Variants in SYTL4 observed in about 807,000 individuals in gnomAD.
SYTL4 encodes synaptotagmin-like protein 4.
Under a neutral mutation model 52.7 loss-of-function variants are expected in SYTL4, and 16 were observed. The ratio of observed to expected loss-of-function variants is 0.30; its 90% CI spans 0.21 to 0.46. The LOEUF (loss-of-function observed/expected upper bound fraction) is 0.46, where lower values mean the gene tolerates loss of function less well. Ranked by LOEUF, SYTL4 falls within the 20% of genes least tolerant of loss-of-function variation. SYTL4 has a pLI of 1.00. For synonymous variants in SYTL4, 160 were observed against 186.6 expected (o/e 0.86, Z 1.16); for missense variants, 423 against 519.9 (o/e 0.81, Z 1.81).
intron 4 of SYTL4, among the ~76,000 whole-genome samples, chrX:100,702,734 G>A (rs2083881742): frequency 8.9e-6 from 1 of 112,330 alleles, no homozygotes; most frequent in Admixed American, 9.4e-5. Context: ...AAAGTGCTGG[G>A]GATACAAAGA....
At chrX:100,717,058 G>A (rs1398096327) in intron 2 of SYTL4, among the ~76,000 whole-genome samples, 2 of 111,549 alleles carry the variant, frequency 1.8e-5, no homozygotes, top group Admixed American at 1.9e-4. Flanking sequence ...TTGAATGTGT[G>A]CACAGTTTCA....
chrX:100,704,327 G>A (rs1425805944), intron 3 of SYTL4, among the ~76,000 whole-genome samples: 1 of 112,004 alleles, frequency 8.9e-6, no homozygotes, highest in Non-Finnish European at 1.9e-5. Context: ...CTCAAACGTT[G>A]TTTAAAAAAT....
rs2083273245 is a variant in SYTL4, at chrX:100,676,126, C to T, written c.1918G>A (p.Val640Met). The T allele has an allele frequency of 3.3e-6, 4 of 1,211,231 alleles. No individual in the cohort carries two copies. The highest frequency in any genetic ancestry group is 4.5e-6 in the Non-Finnish European group (4 of 895,427). Residue 640 changes from valine to methionine, a missense_variant, in exon 20 of 20, where the codon GTG becomes ATG. Physicochemically the swap from Val to Met is conservative, Grantham distance 21 (BLOSUM62 1). Transcript: ENST00000372989. ...VDWMDSTGEEVSLWQKMRQYP... is the reference protein window; with the variant it reads ...VDWMDSTGEEMSLWQKMRQYP... Reference sequence around the variant, plus strand: ...TGTCGCATCTTCTGCCACAGGCTCACTTCTTCCCCAGTCGAGTCCATCCAG... The same window carrying T: ...TGTCGCATCTTCTGCCACAGGCTCATTTCTTCCCCAGTCGAGTCCATCCAG...
intron 8 of SYTL4, among the ~76,000 whole-genome samples, chrX:100,699,090 G>A (rs1282367873): frequency 9.0e-6 from 1 of 111,530 alleles, no homozygotes; most frequent in African/African-American, 3.3e-5. Flanking sequence ...AAACAGGCCA[G>A]GCATGGTGAC....
intron 2 of SYTL4, among the ~76,000 whole-genome samples, chrX:100,712,421 CAAAT>C (rs1454495092): frequency 8.9e-6 from 1 of 111,750 alleles, no homozygotes; most frequent in African/African-American, 3.3e-5. Flanking sequence ...GGAAGACAGA[CAAAT>C]AAACGAACAG....
At chrX:100,698,261 C>A (rs1217302890) in intron 8 of SYTL4, among the ~76,000 whole-genome samples, 4 of 110,036 alleles carry the variant, frequency 3.6e-5, no homozygotes, top group African/African-American at 1.3e-4. Context: ...TGCCACCACG[C>A]CCGGCTAATT....
At chrX:100,724,729 A>T (rs898781810) in intron 2 of SYTL4, among the ~76,000 whole-genome samples, 2 of 107,339 alleles carry the variant, frequency 1.9e-5, no homozygotes, top group African/African-American at 6.8e-5. Flanking sequence ...GGACACAAAC[A>T]CTGCGGAAGG....
Position 100,701,346 on chromosome X carries a change from G to T in SYTL4, c.327-17C>A. 8.5e-7 allele frequency: 1 copy of T among 1,179,244 alleles called. No individual in the cohort carries two copies. The highest frequency in any genetic ancestry group is 1.2e-6 in the Non-Finnish European group (1 of 866,030). On this transcript the variant is annotated splice_polypyrimidine_tract_variant and intron_variant, in intron 6 of 19. Coordinates refer to ENST00000372989, the MANE Select transcript of SYTL4 (RefSeq NM_001370165.1). ...TTCAACTCTCTGGGAAGAAATAAAA[G>T]AAAATGACAGATGGATAAAGAATGG...
At chrX:100,685,252 T>A (rs2083454307) in intron 16 of SYTL4, 1 of 111,936 alleles carries the variant, frequency 8.9e-6, no homozygotes, top group African/African-American at 3.2e-5. Flanking sequence ...CTCATCTAAC[T>A]TCCCAAAGTC....
At chrX:100,715,279 T>A (rs1300006656) in intron 2 of SYTL4, among the ~76,000 whole-genome samples, 2 of 112,071 alleles carry the variant, frequency 1.8e-5, no homozygotes, top group African/African-American at 6.5e-5. Context: ...TGCCTCGGCC[T>A]CCCAAAGGGC....
At chrX:100,713,368 C>T (rs769003512) in intron 2 of SYTL4, among the ~76,000 whole-genome samples, 5 of 111,879 alleles carry the variant, frequency 4.5e-5, no homozygotes, top group Non-Finnish European at 9.4e-5. Flanking sequence ...TAGCTTGAAC[C>T]AGGGAGGTGG....
chrX:100,723,291 CG>C (rs1423792969), intron 2 of SYTL4, among the ~76,000 whole-genome samples: 6 of 111,887 alleles, frequency 5.4e-5, no homozygotes, highest in Non-Finnish European at 9.4e-5. Flanking sequence ...GACTGGTTTT[CG>C]TATTTTTTTG....
intron 16 of SYTL4, among the ~76,000 whole-genome samples, chrX:100,683,161 A>G (rs1362619098): frequency 1.5e-4 from 6 of 40,456 alleles, no homozygotes; most frequent in South Asian, 1.4e-3. Flanking sequence ...TTTTTTTTTG[A>G]GACAGGGTTT....
chrX:100,716,553 A>G (rs2084227502), intron 2 of SYTL4, among the ~76,000 whole-genome samples: 1 of 105,938 alleles, frequency 9.4e-6, no homozygotes, highest in South Asian at 4.2e-4. Flanking sequence ...ACTTAAAAAA[A>G]AAAAAAAAAA....
rs187695720 is a variant in SYTL4 at position 100,701,649 on chromosome X, C to A, written c.135G>T (p.Glu45Asp). The A allele has an allele frequency of 4.1e-6, 5 of 1,209,805 alleles. No individual in the cohort carries two copies. Among genetic ancestry groups the A allele is most frequent in the Non-Finnish European group, 5.6e-6 (5 of 895,120 alleles). Residue 45 changes from glutamate (E) to aspartate (D), a missense_variant, in exon 6 of 20, where the codon GAG becomes GAT. Transcript: ENST00000372989. ...RIRRLKNELL[E>D]IKRKGAKRGS... ...CCCTCTTGGCCCCTTTCCTTTTTAT[C>A]TCCAGTAACTCATTCTTTAGTCGCC...
At chrX:100,682,613 A>C (rs1384405539) in intron 16 of SYTL4, among the ~76,000 whole-genome samples, 1 of 110,307 alleles carries the variant, frequency 9.1e-6, no homozygotes, top group Non-Finnish European at 1.9e-5. Context: ...AGGCTGAGGC[A>C]TGAGAATCAC....
chrX:100,724,050 G>A (rs4828049), intron 2 of SYTL4, among the ~76,000 whole-genome samples: 9 of 80,749 alleles, frequency 1.1e-4, no homozygotes, highest in South Asian at 6.6e-4. Context: ...CAGCCGCCCC[G>A]TCCGGGAGGT....
intron 8 of SYTL4, among the ~76,000 whole-genome samples, chrX:100,692,174 T>C (rs893767147): frequency 3.6e-5 from 4 of 111,639 alleles, no homozygotes; most frequent in African/African-American, 1.3e-4. Flanking sequence ...GCCCCCACCC[T>C]AAGTCTCGAT....
intron 16 of SYTL4, 24 bp from the exon 17 acceptor site, chrX:100,681,359 G>A: frequency 1.8e-6 from 2 of 1,120,249 alleles, no homozygotes; most frequent in Non-Finnish European, 1.2e-6. Flanking sequence ...AAACCCAACA[G>A]GTCAAGCTGG....
Sources: gnomAD v4.1 joint callset for allele counts (sites outside exome capture counted in the v4.1 genomes callset) on GRCh38, gnomAD v4.1.1 for gene constraint, MANE v1.5 for transcripts, NCBI Gene and HGNC (gene_info 2026-07-23, HGNC 2026-07-21) for gene names.